ADGRV1: variants seen among roughly 807,000 people sequenced by gnomAD.
ADGRV1 encodes adhesion G protein-coupled receptor V1.
In ADGRV1, 359 loss-of-function variants were observed where a neutral mutation model predicts 596.2. That is an observed-to-expected ratio of 0.60 (90% CI 0.55 to 0.66). ADGRV1 has a LOEUF of 0.66. ADGRV1 is among the 30% of genes least tolerant of loss of function. ADGRV1 has a pLI of 0.00. For missense variants in ADGRV1, 7,274 were observed against 7,575.6 expected (o/e 0.96, Z 1.48); for synonymous variants, 2,681 against 2,679.2 (o/e 1.00, Z -0.02).
intron 85 of ADGRV1, among the ~76,000 whole-genome samples, chr5:91,060,418 CG>C (rs1243792717): frequency 6.8e-6 from 1 of 147,670 alleles, no homozygotes; most frequent in African/African-American, 2.6e-5. Flanking sequence ...TTAATAGAGA[CG>C]AGGTTTCACC....
intron 83 of ADGRV1, among the ~76,000 whole-genome samples, chr5:90,868,894 T>C (rs1768396151): frequency 6.6e-6 from 1 of 152,088 alleles, no homozygotes; most frequent in Non-Finnish European, 1.5e-5. Context: ...CAACATTCAA[T>C]TGTGAAATTA....
At chr5:91,001,997 TG>T (rs1581756892) in intron 85 of ADGRV1, among the ~76,000 whole-genome samples, 1 of 152,216 alleles carries the variant, frequency 6.6e-6, no homozygotes, top group Non-Finnish European at 1.5e-5. Context: ...AATATGATAT[TG>T]TTTTTTCTAG....
chr5:91,039,741 A>G (rs1785185871), intron 85 of ADGRV1, among the ~76,000 whole-genome samples: 1 of 152,196 alleles, frequency 6.6e-6, no homozygotes, highest in African/African-American at 2.4e-5. Flanking sequence ...GTACATTGAT[A>G]TAAGATGAAG....
chr5:90,755,136 T>C lies in ADGRV1; in HGVS notation c.11531T>C (p.Ile3844Thr). ...EDYVLQETII[I>T]MKENIKEAHA... The stretch of plus-strand genomic sequence containing the variant: ...TATGTATTGCAAGAAACAATAATAA[T>C]AATGAAAGAAAACATAAAAGAAGCT... Residue 3844 changes from isoleucine to threonine, a missense_variant, in exon 55 of 90, where the codon ATA (isoleucine) becomes ACA (threonine). By Grantham distance (89) the Ile-to-Thr change is moderately conservative (BLOSUM62 -1). Coordinates refer to ENST00000405460, the MANE Select transcript of ADGRV1 (RefSeq NM_032119.4). 1 of 1,610,616 alleles carries C rather than the reference T, an allele frequency of 6.2e-7. No individual in the cohort carries two copies. The highest frequency in any genetic ancestry group is 8.5e-7 in the Non-Finnish European group (1 of 1,178,758).
At position 90,805,300 on chromosome 5, in the gene ADGRV1, C is replaced by A; in HGVS notation, c.14678C>A (p.Thr4893Asn). 6.2e-7 allele frequency: 1 copy of A among 1,610,860 alleles called. No homozygotes were observed. The highest frequency in any genetic ancestry group is 8.5e-7 in the Non-Finnish European group (1 of 1,177,498). Residue 4893 changes from threonine to asparagine, a missense_variant, in exon 72 of 90, where the codon ACT becomes AAT. By Grantham distance (65) the Thr-to-Asn change is moderately conservative (BLOSUM62 0). This residue lies in a region of ADGRV1 where 1,874 missense variants were observed against 1,970.2 expected (regional missense o/e 0.95). Transcript: ENST00000405460. ...AANSQVGFES[T>N]AFQLMNITAG... ...TTCCCTCAGGTCGGATTTGAATCCA[C>A]TGCTTTTCAACTCATGAACATCACT...
At position 90,684,159 on chromosome 5, in the gene ADGRV1, A is replaced by T; in HGVS notation, c.6238A>T (p.Asn2080Tyr). ...CGAATCTGTCTTTATCGAACTACTC[A>T]ACTCTACTTTAGTAGCGAAAGTACA... ...RSESVFIELL[N>Y]STLVAKVQSR... The change falls in exon 28 of 90, where the codon AAC becomes TAC. Residue 2080 changes from asparagine to tyrosine, a missense_variant. Around this residue, in one of 5 missense-constraint regions of ADGRV1, gnomAD observed 3,643 missense variants for 3,809.2 expected, o/e 0.96. Transcript: ENST00000405460. 6.2e-7 allele frequency: 1 copy of T among 1,613,500 alleles called. No individual in the cohort carries two copies. The highest frequency in any genetic ancestry group is 2.2e-5 in the East Asian group (1 of 44,842).
chr5:90,825,164 T>C (rs923670886), intron 76 of ADGRV1, among the ~76,000 whole-genome samples: 1 of 152,152 alleles, frequency 6.6e-6, no homozygotes. Context: ...CTGGAACTTA[T>C]AGCCTCAAGC....
intron 58 of ADGRV1, 150 bp from the exon 59 acceptor site, chr5:90,763,155 T>C: frequency 1.5e-6 from 1 of 666,736 alleles, no homozygotes; most frequent in Non-Finnish European, 2.3e-6. Flanking sequence ...TGGGATTTGG[T>C]AAAAAAAATT....
chr5:91,083,613 A>T (rs911847740), intron 86 of ADGRV1, among the ~76,000 whole-genome samples: 1 of 152,240 alleles, frequency 6.6e-6, no homozygotes, highest in Non-Finnish European at 1.5e-5. Context: ...TGATCCTCAC[A>T]GAAGTACTCT....
intron 83 of ADGRV1, among the ~76,000 whole-genome samples, chr5:90,916,808 A>G (rs1773419296): frequency 1.4e-5 from 2 of 142,738 alleles, no homozygotes; most frequent in Admixed American, 7.0e-5. Context: ...AATTTTTTGT[A>G]TTTTTAGTAG....
At chr5:90,567,611 T>C (rs1265228851) in intron 1 of ADGRV1, among the ~76,000 whole-genome samples, 1 of 152,194 alleles carries the variant, frequency 6.6e-6, no homozygotes, top group Non-Finnish European at 1.5e-5. Flanking sequence ...TTCATGGTCA[T>C]GCTTTATATA....
At position 90,708,849 on chromosome 5, in the gene ADGRV1, G is replaced by C; in HGVS notation, c.8764G>C (p.Val2922Leu). The part of the protein sequence containing the change: ...DVPELEEYFL[V>L]NLTYVGLTMA... ...ACCAGAGCTAGAAGAATATTTCCTG[G>C]TGAATTTAACTTACGTTGGACTTAC... is the stretch of plus-strand genomic sequence containing the variant. The change falls in exon 39 of 90, where the codon GTG (valine) becomes CTG (leucine). Residue 2922 changes from valine (V) to leucine (L), a missense_variant. Coordinates refer to ENST00000405460, the MANE Select transcript of ADGRV1 (RefSeq NM_032119.4). 1 of 1,612,104 alleles carries C rather than the reference G, an allele frequency of 6.2e-7. No homozygotes were observed. The highest frequency in any genetic ancestry group is 8.5e-7 in the Non-Finnish European group (1 of 1,178,656).
intron 83 of ADGRV1, among the ~76,000 whole-genome samples, chr5:90,927,924 G>C (rs1774694666): frequency 1.3e-5 from 2 of 152,158 alleles, no homozygotes; most frequent in African/African-American, 4.8e-5. Flanking sequence ...ATTCTGGGTT[G>C]AAAATTCTTT....
At chr5:90,985,678 A>T (rs781277211) in intron 85 of ADGRV1, among the ~76,000 whole-genome samples, 156 bp downstream of exon 85, 5 of 152,178 alleles carry the variant, frequency 3.3e-5, no homozygotes, top group Non-Finnish European at 5.9e-5. Flanking sequence ...TTTAAATAGG[A>T]AGCTGTGGCC....
intron 83 of ADGRV1, among the ~76,000 whole-genome samples, chr5:90,927,771 G>A (rs1416981040): frequency 6.6e-6 from 1 of 152,044 alleles, no homozygotes; most frequent in African/African-American, 2.4e-5. Context: ...GGCTGGTACT[G>A]GTTGTTCCTT....
intron 21 of ADGRV1, among the ~76,000 whole-genome samples, chr5:90,668,669 C>T (rs905399204): frequency 6.6e-6 from 1 of 152,138 alleles, no homozygotes; most frequent in African/African-American, 2.4e-5. Context: ...GCTTGACATT[C>T]GAAAGCTCTT....
intron 9 of ADGRV1, among the ~76,000 whole-genome samples, chr5:90,632,042 A>AT (rs1384623942): frequency 6.7e-6 from 1 of 149,074 alleles, no homozygotes. Context: ...ATTTAATGGA[A>AT]TTTTTTTGAC....
intron 83 of ADGRV1, among the ~76,000 whole-genome samples, chr5:90,960,724 A>C (rs1315332661): frequency 6.6e-6 from 1 of 152,144 alleles, no homozygotes; most frequent in African/African-American, 2.4e-5. Flanking sequence ...TTTGAAAGGT[A>C]AACATGAGTT....
chr5:91,003,974 C>T (rs1782054666), intron 85 of ADGRV1, among the ~76,000 whole-genome samples: 1 of 152,030 alleles, frequency 6.6e-6, no homozygotes, highest in Non-Finnish European at 1.5e-5. Context: ...GAAATGGTAA[C>T]TGTAGGAAAA....
Sources: gnomAD v4.1 joint callset for allele counts (sites outside exome capture counted in the v4.1 genomes callset) on GRCh38, gnomAD v4.1.1 for gene constraint, gnomAD v4.1.1 regional missense constraint, MANE v1.5 for transcripts, NCBI Gene and HGNC (gene_info 2026-07-23, HGNC 2026-07-21) for gene names.